The following SMG6 variants were observed in gnomAD, a reference collection of about 807,000 sequenced individuals.
SMG6 encodes the protein telomerase-binding protein EST1A.
Under a neutral mutation model 142.2 loss-of-function variants are expected in SMG6, and 66 were observed. That is an observed-to-expected ratio of 0.46 (90% CI 0.38 to 0.57). The LOEUF (loss-of-function observed/expected upper bound fraction) is 0.57, where lower values mean the gene tolerates loss of function less well. SMG6 is among the 20% of genes least tolerant of loss of function. The pLI is 0.00. For synonymous variants in SMG6, 779 were observed against 702.4 expected, an observed-to-expected ratio of 1.11 and a Z score of -1.72; for missense variants, 1,793 against 1,832.0, an observed-to-expected ratio of 0.98 and a Z score of 0.39.
At chr17:2,117,057 CAATGA>C (rs2069529354) in intron 13 of SMG6, among the ~76,000 whole-genome samples, 1 of 151,218 alleles carries the variant, frequency 6.6e-6, no homozygotes, top group Non-Finnish European at 1.5e-5. Context: ...ACAAAAATCA[CAATGA>C]AATACTTCTA....
intron 8 of SMG6, among the ~76,000 whole-genome samples, chr17:2,277,298 C>A (rs2074681853): frequency 6.6e-6 from 1 of 151,780 alleles, no homozygotes; most frequent in Admixed American, 6.6e-5. Flanking sequence ...TCCCGAGTAG[C>A]TGGGACTACA....
At chr17:2,103,954 CTTT>C (rs572734238) in intron 13 of SMG6, among the ~76,000 whole-genome samples, 3 of 141,806 alleles carry the variant, frequency 2.1e-5, no homozygotes, top group East Asian at 2.0e-4. Context: ...TCAACACATT[CTTT>C]TTTTTTTTTT....
chr17:2,200,837 C>A (rs1264059311), intron 10 of SMG6, among the ~76,000 whole-genome samples: 1 of 152,168 alleles, frequency 6.6e-6, no homozygotes, highest in Non-Finnish European at 1.5e-5. Flanking sequence ...GGCCTCCCAA[C>A]CTCCTGGTCT....
rs150211793 is a variant in SMG6 at position 2,300,276 on chromosome 17, G to A, written c.477C>T (p.Ser159=). ...GRRLQTVSKE[S]ASRVEEEEVL... is the part of the protein sequence containing the mutation. ...CTTCTTCCTCCTCCACCCGACTGGCGGATTCTTTGCTAACAGTCTGCAAAC... is the reference window on the plus strand; with the variant it reads ...CTTCTTCCTCCTCCACCCGACTGGCAGATTCTTTGCTAACAGTCTGCAAAC... The change falls in exon 2 of 19, where the codon TCC becomes TCT. Residue 159 remains serine (S), a synonymous_variant. Coordinates refer to ENST00000263073, the MANE Select transcript of SMG6 (RefSeq NM_017575.5). 82 of 1,613,930 alleles carry A rather than the reference G, an allele frequency of 5.1e-5. No homozygotes were observed. In the African/African-American group the frequency reaches 1.0e-3, roughly 20 times the overall value.
intron 13 of SMG6, among the ~76,000 whole-genome samples, chr17:2,160,574 AATT>A (rs2071146021): frequency 6.6e-6 from 1 of 152,188 alleles, no homozygotes; most frequent in Non-Finnish European, 1.5e-5. Context: ...TCATGCCTGT[AATT>A]CCAGCACTTT....
chr17:2,180,626 GA>G (rs1322646387), intron 12 of SMG6, among the ~76,000 whole-genome samples: 1 of 152,136 alleles, frequency 6.6e-6, no homozygotes, highest in African/African-American at 2.4e-5. Flanking sequence ...AAAGAGGAGA[GA>G]ACCAAGGAAA....
In SMG6 at chr17:2,065,648, C is replaced by T. The variant is rs1473707804; in HGVS notation, c.3867G>A (p.Gly1289=). 6.2e-7 allele frequency: 1 copy of T among 1,613,584 alleles called. No individual in the cohort carries two copies. Among genetic ancestry groups the T allele is most frequent in the Non-Finnish European group, 8.5e-7 (1 of 1,179,986 alleles). ...CCCCAGCCCGGTGGTCTGTCTCCTG[C>T]CCCTTGGCCAGGCCGTCCAGCTCAT... ...VINELDGLAK[G]QETDHRAGGY... The change falls in exon 17 of 19, where the codon GGG becomes GGA. Residue 1289 remains glycine (G), a synonymous_variant. Transcript: ENST00000263073.
intron 18 of SMG6, among the ~76,000 whole-genome samples, chr17:2,063,771 A>G (rs1597315915): frequency 6.6e-6 from 1 of 152,048 alleles, no homozygotes; most frequent in Non-Finnish European, 1.5e-5. Flanking sequence ...GTGGCGAGAG[A>G]AGACGACAGG....
Position 2,283,668 on chromosome 17 carries a change from G to C in SMG6, c.2405C>G (p.Ala802Gly), listed in dbSNP as rs1446524362. The change falls in exon 7 of 19, where the codon GCC (alanine) becomes GGC (glycine). Residue 802 changes from alanine (A) to glycine (G), a missense_variant. Ala to Gly is a moderately conservative substitution (Grantham distance 60, BLOSUM62 0). This residue lies in a region of SMG6 where 1,597 missense variants were observed against 1,584.6 expected (regional missense o/e 1.01). Transcript: ENST00000263073. ...SLAASNPILTAKESLMSLFEE... is the reference protein window; with the variant it reads ...SLAASNPILTGKESLMSLFEE... ...AAACAAGCTCATGAGACTCTCCTTGGCAGTCAGGATAGGGTTGCTGGCAGC... is the reference window on the plus strand; with the variant it reads ...AAACAAGCTCATGAGACTCTCCTTGCCAGTCAGGATAGGGTTGCTGGCAGC... The C allele has an allele frequency of 1.2e-6, 2 of 1,613,934 alleles. No homozygotes were observed. The highest frequency in any genetic ancestry group is 3.3e-5 in the Admixed American group (2 of 59,996).
chr17:2,206,832 G>C (rs1484600657), intron 10 of SMG6, among the ~76,000 whole-genome samples: 1 of 151,394 alleles, frequency 6.6e-6, no homozygotes, highest in African/African-American at 2.4e-5. Context: ...AGGTCACAGT[G>C]AACTGAAACT....
At chr17:2,254,076 A>G (rs911380664) in intron 8 of SMG6, among the ~76,000 whole-genome samples, 2 of 152,202 alleles carry the variant, frequency 1.3e-5, no homozygotes, top group Non-Finnish European at 2.9e-5. Context: ...GTACACAGAA[A>G]AAGAGAAAGA....
At position 2,299,390 on chromosome 17, in the gene SMG6, A is replaced by C. The variant is rs2075218716; in HGVS notation, c.1363T>G (p.Leu455Val). Residue 455 changes from leucine to valine, a missense_variant, in exon 2 of 19, where the codon TTG becomes GTG. Leu to Val is a conservative substitution (Grantham distance 32). Coordinates refer to ENST00000263073, the MANE Select transcript of SMG6 (RefSeq NM_017575.5). This position sits in a 1 kb window ranked among gnomAD's most constrained non-coding sequence, Gnocchi z 4.3. ...TGATCAGGATTGTTTGGGTCCCACA[A>C]TCGGCGTGTGGTGCCTCCACGGCCC... ...SWGRGGTTRR[L>V]WDPNNPDQKP... is the part of the protein sequence containing the mutation. 6.2e-7 allele frequency: 1 copy of C among 1,613,840 alleles called. No homozygotes were observed. Among genetic ancestry groups the C allele is most frequent in the African/African-American group, 1.3e-5 (1 of 74,884 alleles).
chr17:2,077,152 T>G (rs1435490400), intron 15 of SMG6, among the ~76,000 whole-genome samples: 1 of 152,210 alleles, frequency 6.6e-6, no homozygotes, highest in African/African-American at 2.4e-5. Context: ...CTGTACACTC[T>G]GGAATGTGAT....
chr17:2,245,355 T>C (rs1441180563), intron 8 of SMG6, among the ~76,000 whole-genome samples: 1 of 152,182 alleles, frequency 6.6e-6, no homozygotes. Flanking sequence ...ATCCTCTATG[T>C]AGGCCCAAGC....
Position 2,297,357 on chromosome 17 carries a change from TA to T in SMG6, c.2041-5del. The T allele has an allele frequency of 1.9e-6, 3 of 1,591,882 alleles. No homozygotes were observed. Among genetic ancestry groups the T allele is most frequent in the Non-Finnish European group, 2.6e-6 (3 of 1,171,740 alleles). On this transcript the variant is annotated splice_polypyrimidine_tract_variant and splice_region_variant and intron_variant, in intron 3 of 18. Coordinates refer to ENST00000263073, the MANE Select transcript of SMG6 (RefSeq NM_017575.5). ...AACTATCAAAGAAGTCACTACCCTA[TA>T]AAAAGAAAAAAAGAAATGACTGAAT...
chr17:2,292,585 G>C lies in SMG6; in HGVS notation c.2304C>G (p.Pro768=), dbSNP rs755773566. The C allele has an allele frequency of 1.2e-6, 2 of 1,614,088 alleles. No homozygotes were observed. Among genetic ancestry groups the C allele is most frequent in the Non-Finnish European group, 1.7e-6 (2 of 1,180,046 alleles). Residue 768 remains proline (P), a synonymous_variant, in exon 6 of 19, where the codon CCC becomes CCG. Transcript: ENST00000263073. The part of the protein sequence containing the change: ...AQHIAPKNGR[P]YNQLALLAVY... ...CTGCCAGCAAAGCCAACTGGTTATA[G>C]GGGCGCCCATTCTTGGGAGCAATGT... is the stretch of plus-strand genomic sequence containing the variant.
chr17:2,129,469 G>A (rs962170555), intron 13 of SMG6, among the ~76,000 whole-genome samples: 3 of 152,000 alleles, frequency 2.0e-5, no homozygotes, highest in East Asian at 1.9e-4. Flanking sequence ...GAATAGAAGC[G>A]AATGGTCTTA....
intron 13 of SMG6, among the ~76,000 whole-genome samples, chr17:2,115,419 A>G (rs1300436311): frequency 1.3e-5 from 2 of 152,174 alleles, no homozygotes; most frequent in Non-Finnish European, 2.9e-5. Flanking sequence ...AGAAGAGTCA[A>G]TGTGAAAACA....
At chr17:2,180,454 C>G (rs936461726) in intron 12 of SMG6, among the ~76,000 whole-genome samples, 2 of 152,220 alleles carry the variant, frequency 1.3e-5, no homozygotes, top group Non-Finnish European at 2.9e-5. Context: ...CTCTAACACA[C>G]AGATCTAATA....
Sources: gnomAD v4.1 joint callset for allele counts (sites outside exome capture counted in the v4.1 genomes callset) on GRCh38, gnomAD v4.1.1 for gene constraint, gnomAD v4.1.1 regional missense constraint, Gnocchi (gnomAD v3.1) non-coding constraint, MANE v1.5 for transcripts, NCBI Gene and HGNC (gene_info 2026-07-23, HGNC 2026-07-21) for gene names.